MKI67: variants seen among roughly 807,000 people sequenced by gnomAD.
The protein encoded by MKI67 is marker of proliferation Ki-67, also known as proliferation marker protein Ki-67.
In MKI67, 152 loss-of-function variants were observed where a neutral mutation model predicts 233.5. That is an observed-to-expected ratio of 0.65 (90% CI 0.57 to 0.74). The LOEUF (loss-of-function observed/expected upper bound fraction) is 0.74, where lower values mean the gene tolerates loss of function less well. Among genes scored for constraint, MKI67 ranks in the 30% least tolerant of loss-of-function variants. MKI67 has a pLI of 0.00. For missense variants in MKI67, 3,940 were observed against 3,885.2 expected, an observed-to-expected ratio of 1.01 and a Z score of -0.37; for synonymous variants, 1,465 against 1,418.5, an observed-to-expected ratio of 1.03 and a Z score of -0.74.
In MKI67 at chr10:128,125,483, C is replaced by T; in HGVS notation, c.92+93G>A. Reference sequence around the variant, plus strand: ...CACCAAGGAAAAGTGACGGCAGGACCCAATCCTAGAGCGCGTTTCTGGACT... The same window carrying T: ...CACCAAGGAAAAGTGACGGCAGGACTCAATCCTAGAGCGCGTTTCTGGACT... On this transcript the variant is annotated intron_variant, in intron 2 of 14. Coordinates refer to ENST00000368654, the MANE Select transcript of MKI67 (RefSeq NM_002417.5). This position sits in a 1 kb window ranked among gnomAD's most constrained non-coding sequence, Gnocchi z 5.3. 2 of 955,362 alleles carry T rather than the reference C, an allele frequency of 2.1e-6. No individual in the cohort carries two copies. The highest frequency in any genetic ancestry group is 3.4e-6 in the Non-Finnish European group (2 of 594,896). The allele number at this position is 955,362 out of a possible 1,614,324, so 59.2% of individuals were successfully genotyped here. A position where few individuals can be genotyped will look rare whatever the true frequency, so the allele number is the denominator to read the frequency against.
Position 128,107,316 on chromosome 10 carries a change from C to T in MKI67, c.4524G>A (p.Lys1508=), listed in dbSNP as rs1209190704. 11 of 1,614,008 alleles carry T rather than the reference C, an allele frequency of 6.8e-6. No homozygotes were observed. The highest frequency in any genetic ancestry group is 1.7e-5 in the Admixed American group (1 of 59,998). The part of the protein sequence containing the change: ...PDPVDTPTSS[K]PQSKRSLRKV... Reference sequence around the variant, plus strand: ...TCCTGAGACTTCTCTTGGACTGTGGCTTGGAGCTTGTTGGTGTGTCCACTG... The same window carrying T: ...TCCTGAGACTTCTCTTGGACTGTGGTTTGGAGCTTGTTGGTGTGTCCACTG... Residue 1508 remains lysine, a synonymous_variant, in exon 13 of 15, where the codon AAG becomes AAA. Coordinates refer to ENST00000368654, the MANE Select transcript of MKI67 (RefSeq NM_002417.5).
chr10:128,104,856 A>T lies in MKI67; in HGVS notation c.6984T>A (p.Thr2328=). 2 of 1,608,616 alleles carry T rather than the reference A, an allele frequency of 1.2e-6. No individual in the cohort carries two copies. Among genetic ancestry groups the T allele is most frequent in the African/African-American group, 1.4e-5 (1 of 72,866 alleles). Residue 2328 remains threonine (T), a synonymous_variant, in exon 13 of 15, where the codon ACT becomes ACA. Transcript: ENST00000368654. ...TTTTCTCATCAGTCGTGGGCTTGTCAGTGCCTGGTGTCTGGAAGAGCTCTT... is the reference window on the plus strand; with the variant it reads ...TTTTCTCATCAGTCGTGGGCTTGTCTGTGCCTGGTGTCTGGAAGAGCTCTT... ...GFKELFQTPG[T]DKPTTDEKTT...
chr10:128,116,962 A>G (rs541312550), intron 5 of MKI67, among the ~76,000 whole-genome samples: 8 of 152,340 alleles, frequency 5.3e-5, no homozygotes, highest in South Asian at 2.1e-4. Flanking sequence ...CCACTCGTAT[A>G]TGACTTTTAA....
At position 128,103,227 on chromosome 10, in the gene MKI67, G is replaced by A. The variant is rs756348493; in HGVS notation, c.8613C>T (p.Thr2871=). ...TGCCCTCACCTACCGGCTCTTTGTC[G>A]GTGTGCGTGGTCTCCCCTGAGGTTT... ...LTQTSGETTH[T]DKEPVGEGKG... is the part of the protein sequence containing the mutation. The change falls in exon 13 of 15, where the codon ACC becomes ACT. Residue 2871 remains threonine, a synonymous_variant. Transcript: ENST00000368654. The A allele has an allele frequency of 1.8e-5, 29 of 1,613,892 alleles. No homozygotes were observed. The highest frequency in any genetic ancestry group is 4.0e-5 in the African/African-American group (3 of 74,878).
rs371060767 is a variant in MKI67, at chr10:128,111,854, G to A, written c.2089-38C>T. 106 of 1,609,506 alleles carry A rather than the reference G, an allele frequency of 6.6e-5. 2 individuals are homozygous for A. In the Admixed American group the frequency reaches 1.8e-3, roughly 27 times the overall value. ...GGAAGGAGGTAAACAGGACATTAAA[G>A]CATAAATCCACACTGAATGCAAGCT... is the stretch of plus-strand genomic sequence containing the variant. On this transcript the variant is annotated intron_variant, in intron 10 of 14. Coordinates refer to ENST00000368654, the MANE Select transcript of MKI67 (RefSeq NM_002417.5).
rs754099479 is a variant in MKI67, at chr10:128,115,563, C to T, written c.845G>A (p.Gly282Glu). ...TEKESADGLQ[G>E]ETQLLVSRKS... ...ACGCGAGACCAACAGTTGGGTCTCC[C>T]CCTGTAAACCATCAGCACTTTCTTT... Residue 282 changes from glycine (G) to glutamate (E), a missense_variant, in exon 7 of 15, where the codon GGG (glycine) becomes GAG (glutamate). Coordinates refer to ENST00000368654, the MANE Select transcript of MKI67 (RefSeq NM_002417.5). The T allele has an allele frequency of 6.2e-7, 1 of 1,614,198 alleles. No homozygotes were observed.
intron 4 of MKI67, 70 bp downstream of exon 4, chr10:128,122,811 T>G (rs938863899): frequency 1.5e-5 from 11 of 717,922 alleles, no homozygotes; most frequent in Non-Finnish European, 2.1e-5. Flanking sequence ...GAATGACAGT[T>G]GACTTTGACA....
chr10:128,121,384 T>C (rs1017146029), intron 4 of MKI67, among the ~76,000 whole-genome samples: 4 of 143,790 alleles, frequency 2.8e-5, no homozygotes, highest in African/African-American at 1.0e-4. Context: ...TATTATATAA[T>C]ATAAATATAT....
At position 128,115,645 on chromosome 10, in the gene MKI67, C is replaced by G. The variant is rs369820766; in HGVS notation, c.763G>C (p.Glu255Gln). 1 of 1,613,622 alleles carries G rather than the reference C, an allele frequency of 6.2e-7. No individual in the cohort carries two copies. The highest frequency in any genetic ancestry group is 8.5e-7 in the Non-Finnish European group (1 of 1,179,942). ...TTTCTACAATACTGTAGGACATTTT[C>G]TTTTTGTGATTTTACATCCAACTCT... The part of the protein sequence containing the change: ...KKELDVKSQK[E>Q]NVLQYCRKSG... The change falls in exon 7 of 15, where the codon GAA becomes CAA. Residue 255 changes from glutamate (E) to glutamine (Q), a missense_variant. Coordinates refer to ENST00000368654, the MANE Select transcript of MKI67 (RefSeq NM_002417.5).
intron 14 of MKI67, 73 bp downstream of exon 14, chr10:128,101,185 T>A (rs1439997648): frequency 6.7e-7 from 1 of 1,487,736 alleles, no homozygotes; most frequent in Non-Finnish European, 9.2e-7. Context: ...TTTGTTTGCC[T>A]TTGCAACCTT....
chr10:128,118,669 A>G, intron 5 of MKI67, among the ~76,000 whole-genome samples: 1 of 152,170 alleles, frequency 6.6e-6, no homozygotes, highest in Non-Finnish European at 1.5e-5. Context: ...TACTCAAACT[A>G]TCTAAATTGC....
intron 12 of MKI67, 48 bp downstream of exon 12, chr10:128,110,330 A>G (rs745810834): frequency 1.8e-5 from 25 of 1,428,246 alleles, no homozygotes; most frequent in African/African-American, 4.2e-5. Context: ...ATAATACTGT[A>G]TGTTCCTATC....
At chr10:128,100,125 G>A (rs1852306187) in intron 14 of MKI67, among the ~76,000 whole-genome samples, 1 of 152,212 alleles carries the variant, frequency 6.6e-6, no homozygotes, top group African/African-American at 2.4e-5. Flanking sequence ...GTGGTTTCTA[G>A]GACCTTGTCT....
In MKI67 at chr10:128,111,782, G is replaced by A. The variant is rs2136141714; in HGVS notation, c.2123C>T (p.Thr708Ile). The A allele has an allele frequency of 6.2e-7, 1 of 1,613,420 alleles. No individual in the cohort carries two copies. ...PVGEVHSQFSTGHANSPCTII... is the reference protein window; with the variant it reads ...PVGEVHSQFSIGHANSPCTII... ...GGTACAAGGAGAGTTTGCGTGGCCT[G>A]TACTAAATTGACTGTGAACTTCGCC... The change falls in exon 11 of 15, where the codon ACA becomes ATA. Residue 708 changes from threonine (T) to isoleucine (I), a missense_variant. Physicochemically the swap from Thr to Ile is moderately conservative, Grantham distance 89. Transcript: ENST00000368654.
chr10:128,109,532 A>C, intron 12 of MKI67, 109 bp from the exon 13 acceptor site: 1 of 1,189,412 alleles, frequency 8.4e-7, no homozygotes, highest in South Asian at 1.6e-5. Context: ...CTTCGTATTC[A>C]CTGAACGACA....
In MKI67 at chr10:128,109,022, C is replaced by T. The variant is rs560582290; in HGVS notation, c.2818G>A (p.Glu940Lys). ...ATTGCTTTCATCTTTTCATCGTTTTCTTTTAATTCAATATTTTCCTTATAT... is the reference window on the plus strand; with the variant it reads ...ATTGCTTTCATCTTTTCATCGTTTTTTTTTAATTCAATATTTTCCTTATAT... ...ETYKENIELK[E>K]NDEKMKAMKR... The change falls in exon 13 of 15, where the codon GAA (glutamate) becomes AAA (lysine). Residue 940 changes from glutamate to lysine, a missense_variant. Coordinates refer to ENST00000368654, the MANE Select transcript of MKI67 (RefSeq NM_002417.5). 2.5e-6 allele frequency: 4 copies of T among 1,614,180 alleles called. No homozygotes were observed. In the South Asian group the frequency reaches 3.3e-5, roughly 13 times the overall value.
Position 128,105,884 on chromosome 10 carries a change from G to T in MKI67, c.5956C>A (p.Pro1986Thr). The change falls in exon 13 of 15, where the codon CCA (proline) becomes ACA (threonine). Residue 1986 changes from proline to threonine, a missense_variant. Physicochemically the swap from Pro to Thr is conservative, Grantham distance 38 (BLOSUM62 -1). Transcript: ENST00000368654. ...CTTGTTGGGGTTTTGACTGGGTCTG[G>T]TTGTGGAGATTTGCAGGATACTTCT... ...ITEVSCKSPQ[P>T]DPVKTPTSSK... 1 of 1,613,972 alleles carries T rather than the reference G, an allele frequency of 6.2e-7. No individual in the cohort carries two copies. Among genetic ancestry groups the T allele is most frequent in the Non-Finnish European group, 8.5e-7 (1 of 1,180,008 alleles).
rs1294998110 is a variant in MKI67 at position 128,107,296 on chromosome 10, A to C, written c.4544T>G (p.Leu1515Arg). The change falls in exon 13 of 15, where the codon CTC (leucine) becomes CGC (arginine). Residue 1515 changes from leucine to arginine, a missense_variant. Leu to Arg is a moderately radical substitution (Grantham distance 102, BLOSUM62 -2). Transcript: ENST00000368654. ...TSSKPQSKRSLRKVDVEEEFF... is the reference protein window; with the variant it reads ...TSSKPQSKRSRRKVDVEEEFF... ...TTCTTCTTCTACGTCCACTTTCCTG[A>C]GACTTCTCTTGGACTGTGGCTTGGA... is the stretch of plus-strand genomic sequence containing the variant. 1 of 1,613,804 alleles carries C rather than the reference A, an allele frequency of 6.2e-7. No homozygotes were observed. The highest frequency in any genetic ancestry group is 1.1e-5 in the South Asian group (1 of 91,074).
In MKI67 at chr10:128,109,287, C is replaced by A; in HGVS notation, c.2553G>T (p.Met851Ile). The change falls in exon 13 of 15, where the codon ATG (methionine) becomes ATT (isoleucine). Residue 851 changes from methionine (M) to isoleucine (I), a missense_variant. By Grantham distance (10) the Met-to-Ile change is conservative (BLOSUM62 1). Transcript: ENST00000368654. ...VAKTPRNTYK[M>I]TSLETKTSDT... ...CTGAAGTTTTTGTCTCCAGAGAAGT[C>A]ATTTTGTAGGTGTTCCTGGGCGTTT... 2 of 1,614,160 alleles carry A rather than the reference C, an allele frequency of 1.2e-6. No individual in the cohort carries two copies. Among genetic ancestry groups the A allele is most frequent in the Non-Finnish European group, 1.7e-6 (2 of 1,180,032 alleles).
Sources: allele counts gnomAD v4.1 joint callset (sites outside exome capture counted in the v4.1 genomes callset), GRCh38; gene constraint gnomAD v4.1.1; non-coding constraint Gnocchi (gnomAD v3.1); transcripts MANE v1.5; gene names NCBI Gene and HGNC (gene_info 2026-07-23, HGNC 2026-07-21).